Variants in ZIM2 observed in about 807,000 individuals in gnomAD.
ZIM2 encodes zinc finger protein 656.
In ZIM2, 14 loss-of-function variants were observed where a neutral mutation model predicts 38.6. That is an observed-to-expected ratio of 0.36 (90% CI 0.24 to 0.57). The LOEUF is 0.57. ZIM2 is among the 20% of genes least tolerant of loss of function. ZIM2 has a pLI of 0.81. For synonymous variants in ZIM2, 247 were observed against 245.8 expected (o/e 1.00, Z -0.04); for missense variants, 680 against 695.1 (o/e 0.98, Z 0.24).
intron 8 of ZIM2, among the ~76,000 whole-genome samples, chr19:56,818,270 T>C (rs1027502102): frequency 6.6e-6 from 1 of 152,108 alleles, no homozygotes; most frequent in African/African-American, 2.4e-5. Flanking sequence ...TCCAGGAAAG[T>C]CCACATGGGA....
In ZIM2 at chr19:56,775,470, G is replaced by A; in HGVS notation, c.895C>T (p.Pro299Ser). ...HQGNQEKLLTPITMNDPKTLT... is the reference protein window; with the variant it reads ...HQGNQEKLLTSITMNDPKTLT... ...GTCTTGGGGTCATTCATTGTTATAG[G>A]AGTCAAAAGTTTCTCTTGGTTGCCC... The change falls in exon 13 of 13, where the codon CCT becomes TCT. Residue 299 changes from proline to serine, a missense_variant. Transcript: ENST00000629319. 1 of 1,613,776 alleles carries A rather than the reference G, an allele frequency of 6.2e-7. No individual in the cohort carries two copies. The highest frequency in any genetic ancestry group is 8.5e-7 in the Non-Finnish European group (1 of 1,179,960).
chr19:56,781,385 G>A (rs752306624), intron 11 of ZIM2, among the ~76,000 whole-genome samples: 10 of 152,090 alleles, frequency 6.6e-5, no homozygotes, highest in African/African-American at 2.2e-4. Flanking sequence ...TTTTGCCTCC[G>A]CACGTAAAGA....
At position 56,774,747 on chromosome 19, in the gene ZIM2, G is replaced by A; in HGVS notation, c.1618C>T (p.Leu540Phe). ...CGKCFGRPSY[L>F]TQHYQLHSQE... is the part of the protein sequence containing the mutation. ...GAATGGAGTTGATAATGTTGAGTGA[G>A]GTATGAGGGTCGGCCGAAACATTTC... The change falls in exon 13 of 13, where the codon CTC (leucine) becomes TTC (phenylalanine). Residue 540 changes from leucine (L) to phenylalanine (F), a missense_variant. Physicochemically the swap from Leu to Phe is conservative, Grantham distance 22 (BLOSUM62 0). Coordinates refer to ENST00000629319, the MANE Select transcript of ZIM2 (RefSeq NM_001387356.1). 1 of 1,614,132 alleles carries A rather than the reference G, an allele frequency of 6.2e-7. No individual in the cohort carries two copies. The highest frequency in any genetic ancestry group is 8.5e-7 in the Non-Finnish European group (1 of 1,180,018).
intron 9 of ZIM2, 36 bp from the exon 10 acceptor site, chr19:56,789,987 C>T (rs1191634996): frequency 6.7e-7 from 1 of 1,485,580 alleles, no homozygotes; most frequent in South Asian, 1.4e-5. Flanking sequence ...GAATTGAGTC[C>T]TGTCTGGTAG....
At chr19:56,789,447 ATAT>A (rs2046808219) in intron 10 of ZIM2, among the ~76,000 whole-genome samples, 2 of 152,294 alleles carry the variant, frequency 1.3e-5, no homozygotes, top group Non-Finnish European at 2.9e-5. Context: ...ACCCTTCAGC[ATAT>A]TATTTAGTCT....
At chr19:56,776,668 T>C (rs2046026292) in intron 12 of ZIM2, among the ~76,000 whole-genome samples, 1 of 152,190 alleles carries the variant, frequency 6.6e-6, no homozygotes, top group Non-Finnish European at 1.5e-5. Flanking sequence ...ATTAAATGCC[T>C]GTTTTGTGCA....
intron 1 of ZIM2, among the ~76,000 whole-genome samples, chr19:56,839,605 G>GC (rs1422453254): frequency 6.6e-6 from 1 of 152,150 alleles, no homozygotes; most frequent in Non-Finnish European, 1.5e-5. Flanking sequence ...GCCTTGCCCC[G>GC]CCCCACTTGC....
At position 56,775,042 on chromosome 19, in the gene ZIM2, GT is replaced by G. The variant is rs2045929578; in HGVS notation, c.1322del (p.Asp441AlafsTer42). On this transcript the variant is annotated frameshift_variant, in exon 13 of 13. Coordinates refer to ENST00000629319, the MANE Select transcript of ZIM2 (RefSeq NM_001387356.1). LOFTEE classifies it low-confidence loss of function (END_TRUNC). Reference protein sequence around the residue: ...CERVRIHSQEDYFECFQCGKA... With the variant: ...CERVRIHSQEXYFECFQCGKA... ...TGCCGCACTGAAAACATTCAAAGTA[GT>G]CCTCCTGACTGTGAATTCTTACACG... 6.2e-7 allele frequency: 1 copy of G among 1,614,036 alleles called. No individual in the cohort carries two copies. Among genetic ancestry groups the G allele is most frequent in the Non-Finnish European group, 8.5e-7 (1 of 1,180,034 alleles).
intron 7 of ZIM2, among the ~76,000 whole-genome samples, chr19:56,820,803 C>A (rs2060411773): frequency 6.6e-6 from 1 of 152,218 alleles, no homozygotes; most frequent in African/African-American, 2.4e-5. Flanking sequence ...GGGCAGGGCC[C>A]CTCTCTGTGT....
chr19:56,785,503 A>G (rs1415019600), intron 10 of ZIM2, among the ~76,000 whole-genome samples: 2 of 152,236 alleles, frequency 1.3e-5, no homozygotes, highest in African/African-American at 4.8e-5. Context: ...TTTCTAAAAC[A>G]TGACTTAACA....
intron 9 of ZIM2, chr19:56,813,502 T>C: frequency 7.0e-7 from 1 of 1,426,628 alleles, no homozygotes. Context: ...CTTAAGACTG[T>C]GGAATCTGCA....
Position 56,817,831 on chromosome 19 carries a change from C to T in ZIM2, c.405G>A (p.Gln135=). Residue 135 remains glutamine (Q), a synonymous_variant, in exon 9 of 13, where the codon CAG becomes CAA. Transcript: ENST00000629319. ...NYRKLLSLGV[Q]LAEDDGHSHM... ...GGGAGTGGCCATCGTCTTCAGCAAG[C>T]TGCACTCCTGGTCACAAGGACAATA... 5 of 1,613,750 alleles carry T rather than the reference C, an allele frequency of 3.1e-6. No individual in the cohort carries two copies. Among genetic ancestry groups the T allele is most frequent in the Non-Finnish European group, 4.2e-6 (5 of 1,179,790 alleles).
At position 56,814,344 on chromosome 19, in the gene ZIM2, A is replaced by C; in HGVS notation, c.490+3402T>G. ...CAACTTCCTGGGCTGCTGCTGCTGC[A>C]GCTGCTGCTGCTTCATCTTCTTCTT... On this transcript the variant is annotated intron_variant, in intron 9 of 12. Transcript: ENST00000629319. The surrounding 1 kb of genome is among the most constrained non-coding windows in gnomAD (Gnocchi z 5.8). 6.2e-7 allele frequency: 1 copy of C among 1,613,302 alleles called. No homozygotes were observed. Among genetic ancestry groups the C allele is most frequent in the Non-Finnish European group, 8.5e-7 (1 of 1,179,376 alleles).
chr19:56,813,134 C>T (rs1023894571), intron 9 of ZIM2: 3 of 982,156 alleles, frequency 3.1e-6, no homozygotes, highest in South Asian at 4.7e-5. Context: ...AAATAATGCA[C>T]AATAAATCTT....
chr19:56,784,861 T>G (rs2046515638), intron 10 of ZIM2, among the ~76,000 whole-genome samples: 2 of 152,188 alleles, frequency 1.3e-5, no homozygotes, highest in Non-Finnish European at 1.5e-5. Flanking sequence ...TACCAGAACA[T>G]TACATAAGAC....
At position 56,817,781 on chromosome 19, in the gene ZIM2, C is replaced by T. The variant is rs368583066; in HGVS notation, c.455G>A (p.Arg152Lys). The T allele has an allele frequency of 6.2e-7, 1 of 1,614,022 alleles. No homozygotes were observed. Among genetic ancestry groups the T allele is most frequent in the Non-Finnish European group, 8.5e-7 (1 of 1,180,030 alleles). Residue 152 changes from arginine (R) to lysine (K), a missense_variant, in exon 9 of 13, where the codon AGA becomes AAA. Transcript: ENST00000629319. ...HSHMTQGHSS[R>K]SKRSAYPSTS... ...GCTTGGGTAGGCACTTCTCTTGGAT[C>T]TTGATGAGTGGCCCTGCGTCATGTG... is the stretch of plus-strand genomic sequence containing the variant.
At chr19:56,821,862 C>A in intron 6 of ZIM2, 108 bp from the exon 7 acceptor site, 3 of 1,184,756 alleles carry the variant, frequency 2.5e-6, no homozygotes, top group South Asian at 1.3e-5. Flanking sequence ...TGTATGAGAG[C>A]AAGTGCCTTT....
chr19:56,826,294 T>C (rs1314296217), intron 3 of ZIM2, 94 bp downstream of exon 3: 1 of 152,178 alleles, frequency 6.6e-6, no homozygotes, highest in Admixed American at 6.5e-5. Context: ...CCAACTCTGT[T>C]ATGTGGCAGA....
At chr19:56,813,394 TG>T in intron 9 of ZIM2, 3 of 1,224,760 alleles carry the variant, frequency 2.4e-6, no homozygotes, top group Non-Finnish European at 3.1e-6. Context: ...CTCTGTAGTC[TG>T]GAATACTCAT....
Sources: gnomAD v4.1 joint callset for allele counts (sites outside exome capture counted in the v4.1 genomes callset) on GRCh38, gnomAD v4.1.1 for gene constraint, Gnocchi (gnomAD v3.1) non-coding constraint, MANE v1.5 for transcripts, NCBI Gene and HGNC (gene_info 2026-07-23, HGNC 2026-07-21) for gene names.